VPS13B: variants seen among roughly 807,000 people sequenced by gnomAD.
VPS13B encodes intermembrane lipid transfer protein VPS13B.
VPS13B carries 285 observed loss-of-function variants against 426.4 expected under a neutral mutation model. The ratio of observed to expected loss-of-function variants is 0.67; its 90% CI spans 0.61 to 0.74. The LOEUF is 0.74. Among genes scored for constraint, VPS13B ranks in the 30% least tolerant of loss-of-function variants. VPS13B has a pLI of 0.00. For missense variants in VPS13B, 4,537 were observed against 4,782.6 expected (o/e 0.95, Z 1.51); for synonymous variants, 1,676 against 1,676.4 (o/e 1.00, Z 0.01).
rs1228514637 is a variant in VPS13B at position 99,744,545 on chromosome 8, C to A, written c.7051-22229C>A. Among the ~76,000 whole-genome samples the A allele has an allele frequency of 1.3e-5, 2 of 152,204 alleles. 1 individual carries two copies. Among genetic ancestry groups the A allele is most frequent in the South Asian group, 4.1e-4 (2 of 4,822 alleles). ...CGTATATTTATTGCGGCACTATTCA[C>A]AATAGCAAAGACTTGGAACCAACCC... On this transcript the variant is annotated intron_variant, in intron 39 of 61. Transcript: ENST00000357162.
intron 44 of VPS13B, among the ~76,000 whole-genome samples, chr8:99,810,545 T>G (rs1813644519): frequency 6.6e-6 from 1 of 152,186 alleles, no homozygotes. Context: ...ATCTTATTAT[T>G]GTGGGCCACG....
intron 17 of VPS13B, among the ~76,000 whole-genome samples, chr8:99,215,489 A>G (rs960506086): frequency 1.3e-5 from 2 of 152,178 alleles, no homozygotes; most frequent in Non-Finnish European, 1.5e-5. Flanking sequence ...AGTTGTACGC[A>G]TTACTAAGAT....
chr8:99,597,773 T>C (rs2133851296), intron 33 of VPS13B, among the ~76,000 whole-genome samples: 1 of 152,096 alleles, frequency 6.6e-6, no homozygotes, highest in Non-Finnish European at 1.5e-5. Flanking sequence ...ACCTAAACAG[T>C]TAAGTCGTTG....
intron 5 of VPS13B, 91 bp downstream of exon 5, chr8:99,103,211 G>A (rs551239157): frequency 6.9e-7 from 1 of 1,448,788 alleles, no homozygotes. Context: ...TGAGTTGCTG[G>A]TAAATGTTAT....
At chr8:99,403,473 C>T (rs983613576) in intron 21 of VPS13B, among the ~76,000 whole-genome samples, 3 of 150,202 alleles carry the variant, frequency 2.0e-5, no homozygotes, top group Admixed American at 6.7e-5. Flanking sequence ...CGCTCGAACC[C>T]GGGTGGCAGA....
intron 21 of VPS13B, among the ~76,000 whole-genome samples, chr8:99,421,910 G>A (rs1437792730): frequency 1.3e-5 from 2 of 151,998 alleles, no homozygotes. Flanking sequence ...TTGAACCCCT[G>A]GGTTCAAGCA....
chr8:99,350,828 T>A (rs1811839906), intron 19 of VPS13B, among the ~76,000 whole-genome samples: 1 of 151,510 alleles, frequency 6.6e-6, no homozygotes. Flanking sequence ...GAATTATATA[T>A]GATATGAATT....
intron 39 of VPS13B, among the ~76,000 whole-genome samples, chr8:99,729,530 T>C (rs1326609810): frequency 6.6e-6 from 1 of 152,224 alleles, no homozygotes; most frequent in Non-Finnish European, 1.5e-5. Context: ...TCAATACCTT[T>C]CTTGACTAGT....
At chr8:99,039,572 A>G (rs1842887596) in intron 3 of VPS13B, among the ~76,000 whole-genome samples, 1 of 150,072 alleles carries the variant, frequency 6.7e-6, no homozygotes, top group African/African-American at 2.5e-5. Context: ...GCACCCACTT[A>G]ATATTTAACT....
intron 15 of VPS13B, among the ~76,000 whole-genome samples, chr8:99,162,709 G>C (rs959472761): frequency 6.6e-6 from 1 of 152,180 alleles, no homozygotes; most frequent in Non-Finnish European, 1.5e-5. Flanking sequence ...GCAGATCTTC[G>C]CGGTGAGTGT....
chr8:99,138,745 G>A (rs778776488), intron 12 of VPS13B, among the ~76,000 whole-genome samples: 11 of 152,152 alleles, frequency 7.2e-5, no homozygotes, highest in Non-Finnish European at 1.3e-4. Context: ...TGTTCTAATA[G>A]CATTGCAAAT....
At chr8:99,270,131 CTTTTTTTTT>C (rs71273170) in intron 17 of VPS13B, among the ~76,000 whole-genome samples, 17 of 30,316 alleles carry the variant, frequency 5.6e-4, no homozygotes, top group South Asian at 2.6e-3. Context: ...ATATAAGAAT[CTTTTTTTTT>C]TTTTTTTTTT....
At chr8:99,019,490 G>A (rs6468647) in intron 2 of VPS13B, among the ~76,000 whole-genome samples, 125,719 of 152,126 alleles carry the variant, frequency 0.83, 52,455 homozygotes, top group South Asian at 0.89. Flanking sequence ...ATGAGCCATC[G>A]TGCCTGGCCC....
intron 19 of VPS13B, among the ~76,000 whole-genome samples, chr8:99,326,339 T>C (rs1810256932): frequency 6.6e-6 from 1 of 151,976 alleles, no homozygotes; most frequent in Non-Finnish European, 1.5e-5. Context: ...TAGGGAGAGC[T>C]TAAACAATGT....
At chr8:99,766,507 C>T (rs967689298) in intron 39 of VPS13B, among the ~76,000 whole-genome samples, 1 of 152,194 alleles carries the variant, frequency 6.6e-6, no homozygotes, top group Non-Finnish European at 1.5e-5. Context: ...GTTTATAATA[C>T]ATTTAACACC....
chr8:99,815,827 GA>G (rs1814001365), intron 44 of VPS13B, among the ~76,000 whole-genome samples: 1 of 152,102 alleles, frequency 6.6e-6, no homozygotes. Context: ...ACCAATTTAA[GA>G]AAACATTTGT....
At chr8:99,042,801 A>C (rs2132234889) in intron 3 of VPS13B, among the ~76,000 whole-genome samples, 1 of 152,282 alleles carries the variant, frequency 6.6e-6, no homozygotes, top group Middle Eastern at 3.4e-3. Flanking sequence ...ATAAGAAAAA[A>C]ATTTTGGTCC....
chr8:99,535,079 AT>A (rs1244244468), intron 30 of VPS13B, among the ~76,000 whole-genome samples: 1 of 152,150 alleles, frequency 6.6e-6, no homozygotes, highest in East Asian at 1.9e-4. Flanking sequence ...CTAAACCAAA[AT>A]AGAAGCTAAC....
chr8:99,768,420 T>C (rs953646122), intron 40 of VPS13B, among the ~76,000 whole-genome samples: 1 of 152,262 alleles, frequency 6.6e-6, no homozygotes, highest in Non-Finnish European at 1.5e-5. Flanking sequence ...CCACTTTGTA[T>C]TCCAGTTCCT....
Sources: allele counts gnomAD v4.1 joint callset (sites outside exome capture counted in the v4.1 genomes callset), GRCh38; gene constraint gnomAD v4.1.1; transcripts MANE v1.5; gene names NCBI Gene and HGNC (gene_info 2026-07-23, HGNC 2026-07-21).